SNX25: variants seen among roughly 807,000 people sequenced by gnomAD.
The protein encoded by SNX25 is sorting nexin 25, also known as sorting nexin-25.
A neutral mutation model predicts 113.7 loss-of-function variants in SNX25; 62 were observed. The ratio of observed to expected loss-of-function variants is 0.55; its 90% CI spans 0.44 to 0.67. The LOEUF is 0.67. Ranked by LOEUF, SNX25 falls within the 30% of genes least tolerant of loss-of-function variation. The pLI, the probability that SNX25 is intolerant of heterozygous loss-of-function variation, is 0.00. For synonymous variants in SNX25, 421 were observed against 436.2 expected, an observed-to-expected ratio of 0.97 and a Z score of 0.43; for missense variants, 1,014 against 1,161.0, an observed-to-expected ratio of 0.87 and a Z score of 1.84.
rs780964023 is a variant in SNX25, at chr4:185,264,525, G to C, written c.819G>C (p.Arg273=). Residue 273 remains arginine (R), a synonymous_variant, in exon 4 of 19, where the codon CGG becomes CGC. Coordinates refer to ENST00000652585, the MANE Select transcript of SNX25 (RefSeq NM_001378034.2). ...DEVRFLQTCS[R]VLVFCLLPSK... Reference sequence around the variant, plus strand: ...TAAGATTTCTACAAACGTGTTCTCGGGTTCTGGTGTTTTGTCTCCTCCCCT... The same window carrying C: ...TAAGATTTCTACAAACGTGTTCTCGCGTTCTGGTGTTTTGTCTCCTCCCCT... 12 of 1,613,904 alleles carry C rather than the reference G, an allele frequency of 7.4e-6. No individual in the cohort carries two copies. Among genetic ancestry groups the C allele is most frequent in the Non-Finnish European group, 1.0e-5 (12 of 1,179,974 alleles).
At chr4:185,355,952 C>T (rs751023293) in intron 15 of SNX25, among the ~76,000 whole-genome samples, 11 of 152,222 alleles carry the variant, frequency 7.2e-5, no homozygotes, top group Non-Finnish European at 1.6e-4. Flanking sequence ...GGCTCCTCAC[C>T]ATGCCTGCGG....
chr4:185,335,316 TCACA>T (rs3047486), intron 10 of SNX25, among the ~76,000 whole-genome samples: 9,903 of 140,624 alleles, frequency 0.07, 389 homozygotes, highest in East Asian at 0.14. Context: ...TGAAAAAGTC[TCACA>T]CACACACACA....
At chr4:185,370,692 A>G (rs779435362), downstream of SNX25, 1 of 1,614,120 alleles carries the variant, frequency 6.2e-7, no homozygotes, top group East Asian at 2.2e-5. Context: ...GCCCAAGCCA[A>G]GCTGAAGACA....
At chr4:185,302,812 C>T (rs751063174) in intron 6 of SNX25, among the ~76,000 whole-genome samples, 2 of 152,150 alleles carry the variant, frequency 1.3e-5, no homozygotes, top group Non-Finnish European at 2.9e-5. Context: ...AGGGCTCTTG[C>T]GAGGGTTCCT....
intron 6 of SNX25, among the ~76,000 whole-genome samples, chr4:185,290,017 T>C (rs919172025): frequency 1.3e-5 from 2 of 152,236 alleles, no homozygotes; most frequent in African/African-American, 4.8e-5. Flanking sequence ...TGTCTGCAGA[T>C]GGCCATCTTC....
intron 15 of SNX25, 138 bp downstream of exon 15, chr4:185,353,740 C>A: frequency 1.2e-6 from 1 of 814,234 alleles, no homozygotes. Flanking sequence ...ATTCATTCAA[C>A]ATAGCCTTTT....
At chr4:185,235,070 A>G (rs538060848) in intron 1 of SNX25, among the ~76,000 whole-genome samples, 1 of 152,358 alleles carries the variant, frequency 6.6e-6, no homozygotes, top group African/African-American at 2.4e-5. Flanking sequence ...TAATGGTTTC[A>G]TATCCCTTCA....
chr4:185,348,848 C>G (rs965890338), intron 13 of SNX25, among the ~76,000 whole-genome samples: 1 of 152,208 alleles, frequency 6.6e-6, no homozygotes, highest in African/African-American at 2.4e-5. Context: ...TTTCTAGCCA[C>G]TGACCAATCT....
intron 6 of SNX25, among the ~76,000 whole-genome samples, chr4:185,288,584 A>G (rs1466840978): frequency 1.5e-5 from 1 of 64,692 alleles, no homozygotes; most frequent in Non-Finnish European, 2.9e-5. Flanking sequence ...CTCTCTTTTC[A>G]CTCTTGTGTT....
intron 6 of SNX25, among the ~76,000 whole-genome samples, chr4:185,298,879 C>T (rs1261546088): frequency 6.6e-6 from 1 of 152,154 alleles, no homozygotes; most frequent in Non-Finnish European, 1.5e-5. Flanking sequence ...GCTGTTAGAT[C>T]CGTCATGGCA....
In SNX25 at chr4:185,334,736, T is replaced by C. The variant is rs539528997; in HGVS notation, c.1914+1977T>C. ...ATTCAGCCTTTCTTAAAATAACTTC[T>C]GATAACCATGGAATAAACATTCTTA... On this transcript the variant is annotated intron_variant, in intron 10 of 18. Transcript: ENST00000652585. The surrounding 1 kb of genome is among the most constrained non-coding windows in gnomAD (Gnocchi z 4.2). Among the ~76,000 whole-genome samples the C allele has an allele frequency of 5.1e-4, 78 of 152,390 alleles. No individual in the cohort carries two copies. Among genetic ancestry groups the C allele is most frequent in the Non-Finnish European group, 8.8e-4 (60 of 68,048 alleles).
At position 185,369,464 on chromosome 4, in the gene SNX25, G is replaced by A. The variant is rs934835984; in HGVS notation, c.*1005-286G>A. ...TCACCATGTTGGCCAGGCTGGTCTC[G>A]AACTCCTGACCTCAAGTGATCTGCC... On this transcript the variant is annotated intron_variant and NMD_transcript_variant, in intron 11 of 11. Transcript: ENST00000504959. Among the ~76,000 whole-genome samples, 24 of 150,210 alleles carry A rather than the reference G, an allele frequency of 1.6e-4. No individual in the cohort carries two copies. In the East Asian group the frequency reaches 3.0e-3, roughly 19 times the overall value.
At chr4:185,244,180 A>C (rs1744497687) in intron 1 of SNX25, among the ~76,000 whole-genome samples, 1 of 152,112 alleles carries the variant, frequency 6.6e-6, no homozygotes, top group African/African-American at 2.4e-5. Flanking sequence ...TAAATTTTAG[A>C]TGGGGTTTCA....
At chr4:185,326,104 A>C (rs547550085) in intron 9 of SNX25, among the ~76,000 whole-genome samples, 1 of 152,354 alleles carries the variant, frequency 6.6e-6, no homozygotes, top group Admixed American at 6.5e-5. Context: ...AGAAACAAGT[A>C]TGCTCCAAAT....
chr4:185,236,393 C>T (rs1742653402), intron 1 of SNX25, among the ~76,000 whole-genome samples: 1 of 152,108 alleles, frequency 6.6e-6, no homozygotes, highest in African/African-American at 2.4e-5. Flanking sequence ...CCCTGTGAAG[C>T]AAAAGAAAAT....
At position 185,210,328 on chromosome 4, in the gene SNX25, G is replaced by A. The variant is rs1737538341; in HGVS notation, c.429+73G>A. ...TCCGGTGCCAGCTCCCGCGCCCCGAGCTCCGGGGGGCCGCGGCATGCCCTT... is the reference window on the plus strand; with the variant it reads ...TCCGGTGCCAGCTCCCGCGCCCCGAACTCCGGGGGGCCGCGGCATGCCCTT... On this transcript the variant is annotated intron_variant, in intron 1 of 18. Transcript: ENST00000652585. The surrounding 1 kb of genome is among the most constrained non-coding windows in gnomAD (Gnocchi z 4.4). The A allele has an allele frequency of 1.0e-6, 1 of 984,170 alleles. No individual in the cohort carries two copies. Among genetic ancestry groups the A allele is most frequent in the Admixed American group, 6.2e-5 (1 of 16,158 alleles). The allele number at this position is 984,170 out of a possible 1,614,324, so 61.0% of individuals were successfully genotyped here. A position where few individuals can be genotyped will look rare whatever the true frequency, so the allele number is the denominator to read the frequency against.
At chr4:185,242,388 G>A (rs73873410) in intron 1 of SNX25, among the ~76,000 whole-genome samples, 6,556 of 151,974 alleles carry the variant, frequency 0.043, 247 homozygotes, top group African/African-American at 0.096. Flanking sequence ...CACCCCCAAC[G>A]TCAGTCTGTA....
In SNX25 at chr4:185,362,896, G is replaced by A. The variant is rs575521340; in HGVS notation, c.2934+185G>A. 4.9e-5 allele frequency among the ~76,000 whole-genome samples: 7 copies of A among 143,232 alleles called. No individual in the cohort carries two copies. The South Asian group carries it at 1.3e-3, about 27-fold the overall frequency. 94.0% of individuals were successfully genotyped at this position (143,232 alleles called of 152,430 possible). On this transcript the variant is annotated intron_variant, in intron 18 of 18. Coordinates refer to ENST00000652585, the MANE Select transcript of SNX25 (RefSeq NM_001378034.2). The stretch of plus-strand genomic sequence containing the variant: ...TCGCTCTTGTCCCCCAGGCTGGAGT[G>A]CAATGGCACGATCTTGGCTCACTGC...
chr4:185,331,489 A>C (rs771805894), intron 9 of SNX25, among the ~76,000 whole-genome samples: 1 of 152,236 alleles, frequency 6.6e-6, no homozygotes, highest in Non-Finnish European at 1.5e-5. Context: ...ACCAGTTAAA[A>C]GAACATATGG....
Sources: allele counts gnomAD v4.1 joint callset (sites outside exome capture counted in the v4.1 genomes callset), GRCh38; gene constraint gnomAD v4.1.1; non-coding constraint Gnocchi (gnomAD v3.1); transcripts MANE v1.5; gene names NCBI Gene and HGNC (gene_info 2026-07-23, HGNC 2026-07-21).